BBOX1: variants seen among roughly 807,000 people sequenced by gnomAD.
The protein encoded by BBOX1 is gamma-butyrobetaine dioxygenase.
A neutral mutation model predicts 41.6 loss-of-function variants in BBOX1; 35 were observed. The ratio of observed to expected loss-of-function variants is 0.84; its 90% CI spans 0.64 to 1.11. The LOEUF (loss-of-function observed/expected upper bound fraction) is 1.11, where lower values mean the gene tolerates loss of function less well. Among genes scored for constraint, BBOX1 ranks in the 50% most tolerant of loss-of-function variants. BBOX1 has a pLI of 0.00. For synonymous variants in BBOX1, 163 were observed against 154.7 expected (o/e 1.05, Z -0.40); for missense variants, 458 against 460.6 (o/e 0.99, Z 0.05).
intron 7 of BBOX1, among the ~76,000 whole-genome samples, chr11:27,121,706 C>T (rs192884931): frequency 2.8e-4 from 43 of 152,282 alleles, no homozygotes; most frequent in African/African-American, 9.4e-4. Flanking sequence ...TCTAAGAATT[C>T]ACTCATCAAG....
At chr11:27,067,377 C>T (rs1466428994) in intron 4 of BBOX1, among the ~76,000 whole-genome samples, 3 of 151,924 alleles carry the variant, frequency 2.0e-5, no homozygotes, top group Admixed American at 1.3e-4. Flanking sequence ...CCTCTTCTCA[C>T]GCTCCCACTT....
At chr11:27,075,823 A>T (rs892973450) in intron 4 of BBOX1, among the ~76,000 whole-genome samples, 1 of 152,162 alleles carries the variant, frequency 6.6e-6, no homozygotes, top group Non-Finnish European at 1.5e-5. Context: ...ACTCATGCTG[A>T]ACTCCTATGG....
intron 4 of BBOX1, among the ~76,000 whole-genome samples, chr11:27,070,688 A>G (rs891795367): frequency 2.8e-5 from 4 of 143,844 alleles, no homozygotes; most frequent in African/African-American, 7.7e-5. Flanking sequence ...AAGACAGAAG[A>G]TATTTGGTTT....
At chr11:27,120,512 C>T (rs553885360) in intron 7 of BBOX1, among the ~76,000 whole-genome samples, 17 of 152,096 alleles carry the variant, frequency 1.1e-4, no homozygotes, top group Non-Finnish European at 2.1e-4. Context: ...AACAGGGAGG[C>T]TCCCCAAAGA....
intron 8 of BBOX1, 27 bp downstream of exon 8, chr11:27,125,847 C>G: frequency 6.3e-7 from 1 of 1,591,008 alleles, no homozygotes; most frequent in Non-Finnish European, 8.6e-7. Flanking sequence ...TCTCAAATAA[C>G]CAAAAGCATG....
chr11:27,083,353 A>G (rs1857920192), intron 4 of BBOX1, among the ~76,000 whole-genome samples: 1 of 152,158 alleles, frequency 6.6e-6, no homozygotes, highest in Non-Finnish European at 1.5e-5. Context: ...TGAAGAACTT[A>G]CAATCTAGCG....
chr11:27,060,250 T>C (rs1352155454), intron 4 of BBOX1, among the ~76,000 whole-genome samples: 1 of 152,122 alleles, frequency 6.6e-6, no homozygotes, highest in Non-Finnish European at 1.5e-5. Flanking sequence ...CTGGTTGTTT[T>C]AAGGTGTGTA....
intron 5 of BBOX1, among the ~76,000 whole-genome samples, chr11:27,103,581 ATTTTT>A (rs1286907161): frequency 6.6e-6 from 1 of 151,022 alleles, no homozygotes; most frequent in African/African-American, 2.4e-5. Context: ...GAGTTTTTAA[ATTTTT>A]TTCTTTTCTT....
chr11:27,106,582 T>C (rs1858876167), intron 5 of BBOX1, among the ~76,000 whole-genome samples: 1 of 152,072 alleles, frequency 6.6e-6, no homozygotes, highest in Non-Finnish European at 1.5e-5. Flanking sequence ...CCCAGATTCA[T>C]AAAGCAAGTC....
chr11:27,041,020 G>A lies in BBOX1; in HGVS notation c.-310G>A, dbSNP rs1400490757. On this transcript the variant is annotated 5_prime_UTR_variant, in exon 1 of 9. Transcript: ENST00000263182. ...GCCACTGCTGGTACAGAAATAGAAGGTAAGACAGGTGAGAACTGCTTTTCC... is the reference window on the plus strand; with the variant it reads ...GCCACTGCTGGTACAGAAATAGAAGATAAGACAGGTGAGAACTGCTTTTCC... The A allele has an allele frequency of 6.6e-6, 1 of 152,092 alleles. No homozygotes were observed. Among genetic ancestry groups the A allele is most frequent in the Admixed American group, 6.5e-5 (1 of 15,276 alleles). 9.4% of individuals were successfully genotyped at this position (152,092 alleles called of 1,614,324 possible).
chr11:27,059,189 G>A (rs1040312967), intron 4 of BBOX1, among the ~76,000 whole-genome samples: 1 of 152,148 alleles, frequency 6.6e-6, no homozygotes. Flanking sequence ...GGCTCCAAGG[G>A]GCCCAGGTAC....
intron 4 of BBOX1, among the ~76,000 whole-genome samples, chr11:27,075,606 C>T (rs986896164): frequency 1.3e-5 from 2 of 152,180 alleles, no homozygotes; most frequent in South Asian, 4.1e-4. Context: ...CCCAGTCACA[C>T]TCCTGACCCA....
At chr11:27,064,115 C>A (rs1857213473) in intron 4 of BBOX1, among the ~76,000 whole-genome samples, 1 of 152,054 alleles carries the variant, frequency 6.6e-6, no homozygotes, top group Non-Finnish European at 1.5e-5. Context: ...GAGGTGGGAG[C>A]CTGCAATGCA....
chr11:27,099,711 C>A (rs750165794), intron 5 of BBOX1, among the ~76,000 whole-genome samples: 2 of 152,004 alleles, frequency 1.3e-5, no homozygotes, highest in African/African-American at 2.4e-5. Flanking sequence ...AGCGAGAAGT[C>A]GATCTGAGCT....
intron 5 of BBOX1, among the ~76,000 whole-genome samples, chr11:27,093,697 G>A (rs892096075): frequency 6.6e-6 from 1 of 151,946 alleles, no homozygotes; most frequent in Non-Finnish European, 1.5e-5. Context: ...CTGGAAACTG[G>A]AAGTCTAAGA....
chr11:27,116,997 G>A (rs1319434020), intron 6 of BBOX1, among the ~76,000 whole-genome samples: 1 of 151,960 alleles, frequency 6.6e-6, no homozygotes, highest in Non-Finnish European at 1.5e-5. Flanking sequence ...GAGAATCTCT[G>A]GGTGGACATT....
In BBOX1 at chr11:27,055,412, A is replaced by G. The variant is rs779558464; in HGVS notation, c.-19A>G. 4.4e-6 allele frequency: 7 copies of G among 1,608,464 alleles called. No homozygotes were observed. The highest frequency in any genetic ancestry group is 5.9e-6 in the Non-Finnish European group (7 of 1,176,472). On this transcript the variant is annotated 5_prime_UTR_variant, in exon 3 of 9. Coordinates refer to ENST00000263182, the MANE Select transcript of BBOX1 (RefSeq NM_003986.3). The stretch of plus-strand genomic sequence containing the variant: ...TCATAGCAGGTAGCTGACAGCATCT[A>G]CTCCTGAAGACCGGAAACATGGCTT...
intron 5 of BBOX1, among the ~76,000 whole-genome samples, chr11:27,106,009 A>G (rs1263982132): frequency 7.2e-5 from 11 of 152,272 alleles, no homozygotes; most frequent in South Asian, 2.1e-4. Context: ...TAAGTGAAGG[A>G]GAAATAAAAT....
chr11:27,041,223 A>G lies in BBOX1; in HGVS notation c.-294A>G, dbSNP rs2133935055. 6.6e-6 allele frequency: 1 copy of G among 151,668 alleles called. No homozygotes were observed. The highest frequency in any genetic ancestry group is 1.9e-4 in the East Asian group (1 of 5,158). The allele number at this position is 151,668 out of a possible 1,614,324, so 9.4% of individuals were successfully genotyped here. A position where few individuals can be genotyped will look rare whatever the true frequency, so the allele number is the denominator to read the frequency against. On this transcript the variant is annotated 5_prime_UTR_variant, in exon 2 of 9. Coordinates refer to ENST00000263182, the MANE Select transcript of BBOX1 (RefSeq NM_003986.3). Reference sequence around the variant, plus strand: ...TTTTTAAAAAAAACACAGCACAAAAAAACAAAGACAAAAAACCTCCAAGCT... The same window carrying G: ...TTTTTAAAAAAAACACAGCACAAAAGAACAAAGACAAAAAACCTCCAAGCT...
Sources: gnomAD v4.1 joint callset for allele counts (sites outside exome capture counted in the v4.1 genomes callset) on GRCh38, gnomAD v4.1.1 for gene constraint, MANE v1.5 for transcripts, NCBI Gene and HGNC (gene_info 2026-07-23, HGNC 2026-07-21) for gene names.